CEACAM19: variants seen among roughly 807,000 people sequenced by gnomAD.
CEACAM19 encodes cell adhesion molecule CEACAM19.
In CEACAM19, 37 loss-of-function variants were observed where a neutral mutation model predicts 37.6. The ratio of observed to expected loss-of-function variants is 0.98; its 90% CI spans 0.76 to 1.29. The LOEUF (loss-of-function observed/expected upper bound fraction) is 1.29. Among genes scored for constraint, CEACAM19 ranks in the 50% most tolerant of loss-of-function variants. The pLI, the probability that CEACAM19 is intolerant of heterozygous loss-of-function variation, is 0.00. For synonymous variants in CEACAM19, 140 were observed against 149.8 expected (o/e 0.93, Z 0.48); for missense variants, 340 against 375.6 (o/e 0.91, Z 0.78).
chr19:44,681,378 T>C (rs1974057037), intron 6 of CEACAM19, 66 bp downstream of exon 6: 3 of 1,040,804 alleles, frequency 2.9e-6, no homozygotes, highest in Non-Finnish European at 4.4e-6. Context: ...CTGAGCTGGC[T>C]GTGGTCCTCT....
chr19:44,667,767 ATTT>A (rs1195805992), upstream of CEACAM19, among the ~76,000 whole-genome samples: 9 of 73,858 alleles, frequency 1.2e-4, no homozygotes, highest in Non-Finnish European at 1.9e-4. Context: ...AATTATATAT[ATTT>A]ATATATAATA....
intron 4 of CEACAM19, 116 bp from the exon 5 acceptor site, chr19:44,680,172 A>G (rs1568517685): frequency 1.3e-6 from 1 of 774,522 alleles, no homozygotes; most frequent in East Asian, 2.5e-5. Flanking sequence ...CTCACTCTGA[A>G]GGAGAGACCA....
upstream of CEACAM19, among the ~76,000 whole-genome samples, chr19:44,668,092 A>G (rs1973771191): frequency 1.2e-5 from 1 of 85,000 alleles, no homozygotes; most frequent in South Asian, 3.8e-4. Context: ...TATATATTAT[A>G]TATTTATATA....
intron 2 of CEACAM19, among the ~76,000 whole-genome samples, chr19:44,674,595 G>A (rs1350598285): frequency 1.3e-5 from 2 of 150,230 alleles, no homozygotes; most frequent in Non-Finnish European, 3.0e-5. Flanking sequence ...TAGAGACTGG[G>A]TTTCACCATG....
intron 3 of CEACAM19, 131 bp downstream of exon 3, chr19:44,676,552 G>T: frequency 1.2e-6 from 1 of 856,388 alleles, no homozygotes; most frequent in Non-Finnish European, 1.8e-6. Context: ...GGGGTGAAAA[G>T]AATCTTTCTA....
At chr19:44,669,738 A>G (rs921012178), upstream of CEACAM19, among the ~76,000 whole-genome samples, 2 of 152,044 alleles carry the variant, frequency 1.3e-5, no homozygotes, top group African/African-American at 4.8e-5. Flanking sequence ...TCCAGGTCTC[A>G]GCTCAGATGC....
intron 2 of CEACAM19, chr19:44,673,806 C>A (rs975651862): frequency 2.6e-5 from 4 of 152,162 alleles, no homozygotes; most frequent in African/African-American, 9.7e-5. Context: ...TCAGGGAGAC[C>A]TCACTCAAGA....
intron 4 of CEACAM19, 73 bp from the exon 5 acceptor site, chr19:44,680,215 C>G: frequency 7.7e-7 from 1 of 1,297,602 alleles, no homozygotes; most frequent in Non-Finnish European, 1.1e-6. Context: ...GGATTTCCAG[C>G]TTCTCTTAAG....
At chr19:44,667,616 A>ATTTT (rs1405597958), upstream of CEACAM19, among the ~76,000 whole-genome samples, 9 of 89,384 alleles carry the variant, frequency 1.0e-4, no homozygotes, top group African/African-American at 3.8e-4. Flanking sequence ...TATATATTAT[A>ATTTT]TATTTATAAA....
At chr19:44,683,143 C>A (rs144576888) in intron 7 of CEACAM19, 1 of 325,204 alleles carries the variant, frequency 3.1e-6, no homozygotes, top group Non-Finnish European at 5.6e-6. Context: ...GTTCATGCTG[C>A]CTTGTCTAAG....
upstream of CEACAM19, among the ~76,000 whole-genome samples, chr19:44,668,268 A>G (rs1285641587): frequency 6.0e-5 from 5 of 83,252 alleles, no homozygotes; most frequent in Non-Finnish European, 7.9e-5. Context: ...TTATATTTAT[A>G]TAATATGTTT....
intron 2 of CEACAM19, among the ~76,000 whole-genome samples, chr19:44,676,022 C>T (rs967615392): frequency 2.0e-5 from 3 of 151,822 alleles, no homozygotes; most frequent in African/African-American, 4.8e-5. Context: ...CCTCCCCCAT[C>T]GGCCTCCCAA....
At chr19:44,680,540 T>A in intron 5 of CEACAM19, among the ~76,000 whole-genome samples, 1 of 151,900 alleles carries the variant, frequency 6.6e-6, no homozygotes. Context: ...TTCTTCTCAG[T>A]GGCTAGCATC....
In CEACAM19 at chr19:44,683,571, C is replaced by A. The variant is rs1480299136; in HGVS notation, c.*81C>A. 4.4e-6 allele frequency: 4 copies of A among 899,752 alleles called. No individual in the cohort carries two copies. Among genetic ancestry groups the A allele is most frequent in the Non-Finnish European group, 5.0e-6 (3 of 606,058 alleles). The allele number at this position is 899,752 out of a possible 1,614,324, so 55.7% of individuals were successfully genotyped here. A position where few individuals can be genotyped will look rare whatever the true frequency, so the allele number is the denominator to read the frequency against. On this transcript the variant is annotated 3_prime_UTR_variant, in exon 8 of 8. Transcript: ENST00000358777. The stretch of plus-strand genomic sequence containing the variant: ...AGCCTCACACCTGAGACCAGCAGGA[C>A]AAGGCCATTGGGGGCTGTGGGGCCG...
At chr19:44,671,105 G>C (rs1457015913), upstream of CEACAM19, among the ~76,000 whole-genome samples, 1 of 147,994 alleles carries the variant, frequency 6.8e-6, no homozygotes, top group East Asian at 2.0e-4. Flanking sequence ...GAAAAAAAAA[G>C]AAAAACACGA....
chr19:44,682,274 G>A (rs1974074348), intron 6 of CEACAM19, among the ~76,000 whole-genome samples: 1 of 152,182 alleles, frequency 6.6e-6, no homozygotes, highest in African/African-American at 2.4e-5. Context: ...AAAAATAAGA[G>A]AAACATAAAA....
chr19:44,675,155 A>G (rs1255411423), intron 2 of CEACAM19, among the ~76,000 whole-genome samples: 2 of 150,364 alleles, frequency 1.3e-5, no homozygotes, highest in African/African-American at 4.9e-5. Context: ...ACTTCATAAC[A>G]ACCCTAAGAA....
chr19:44,682,303 A>G (rs1375606309), intron 6 of CEACAM19, among the ~76,000 whole-genome samples: 3 of 152,222 alleles, frequency 2.0e-5, no homozygotes, highest in Non-Finnish European at 2.9e-5. Context: ...CTAAGAGCTT[A>G]GAACCAGAGG....
At chr19:44,667,749 AT>A (rs1311555692), upstream of CEACAM19, among the ~76,000 whole-genome samples, 3,179 of 75,572 alleles carry the variant, frequency 0.042, 269 homozygotes, top group African/African-American at 0.16. Context: ...TAATATATAA[AT>A]TATATAAATT....
Sources: gnomAD v4.1 joint callset for allele counts (sites outside exome capture counted in the v4.1 genomes callset) on GRCh38, gnomAD v4.1.1 for gene constraint, MANE v1.5 for transcripts, NCBI Gene and HGNC (gene_info 2026-07-23, HGNC 2026-07-21) for gene names.